ROR1: variants seen among roughly 807,000 people sequenced by gnomAD.
The protein encoded by ROR1 is ROR family WNT receptor 1, also known as inactive tyrosine-protein kinase transmembrane receptor ROR1.
Under a neutral mutation model 78.8 loss-of-function variants are expected in ROR1, and 19 were observed. That is an observed-to-expected ratio of 0.24 (90% CI 0.17 to 0.35). ROR1 has a LOEUF of 0.35. Ranked by LOEUF, ROR1 falls within the 10% of genes least tolerant of loss-of-function variation. The pLI is 1.00. For missense variants in ROR1, 917 were observed against 1,177.8 expected, an observed-to-expected ratio of 0.78 and a Z score of 3.24; for synonymous variants, 386 against 433.6, an observed-to-expected ratio of 0.89 and a Z score of 1.36.
intron 1 of ROR1, among the ~76,000 whole-genome samples, chr1:63,840,163 T>C (rs1216625945): frequency 6.6e-6 from 1 of 152,198 alleles, no homozygotes; most frequent in Non-Finnish European, 1.5e-5. Flanking sequence ...TGATGCACTG[T>C]GATTTTGTCT....
intron 1 of ROR1, among the ~76,000 whole-genome samples, chr1:63,965,606 T>G (rs1646068184): frequency 6.6e-6 from 1 of 152,194 alleles, no homozygotes; most frequent in Non-Finnish European, 1.5e-5. Flanking sequence ...ACCAGGGACT[T>G]GCGTAGTTGC....
At chr1:64,160,298 T>G (rs1281144614) in intron 8 of ROR1, among the ~76,000 whole-genome samples, 1 of 133,062 alleles carries the variant, frequency 7.5e-6, no homozygotes, top group Non-Finnish European at 1.7e-5. Flanking sequence ...TCTGCTTTAC[T>G]GTTTAAATTT....
intron 1 of ROR1, among the ~76,000 whole-genome samples, chr1:63,988,210 C>T (rs542012105): frequency 1.3e-5 from 2 of 152,180 alleles, no homozygotes; most frequent in East Asian, 3.9e-4. Flanking sequence ...ACCCAGCTGT[C>T]TCAGGGTCCA....
At chr1:64,134,204 AC>A in intron 4 of ROR1, among the ~76,000 whole-genome samples, 1 of 152,108 alleles carries the variant, frequency 6.6e-6, no homozygotes, top group East Asian at 1.9e-4. Flanking sequence ...TTACATCTTT[AC>A]CTTTTTTTAT....
intron 1 of ROR1, among the ~76,000 whole-genome samples, chr1:63,924,696 A>G (rs1025679031): frequency 6.6e-6 from 1 of 152,214 alleles, no homozygotes; most frequent in African/African-American, 2.4e-5. Context: ...AAAGTTTGAC[A>G]GTGAAGACTG....
intron 1 of ROR1, among the ~76,000 whole-genome samples, chr1:63,807,327 G>A (rs148552060): frequency 2.0e-5 from 3 of 152,172 alleles, no homozygotes; most frequent in Admixed American, 1.3e-4. Flanking sequence ...TGTCTCTCTG[G>A]GGGGAGCAGC....
intron 1 of ROR1, among the ~76,000 whole-genome samples, chr1:63,798,061 A>G (rs1644772359): frequency 6.6e-6 from 1 of 152,142 alleles, no homozygotes; most frequent in Non-Finnish European, 1.5e-5. Flanking sequence ...CTGAGAAGCT[A>G]TCTTTTTGGC....
intron 1 of ROR1, among the ~76,000 whole-genome samples, chr1:63,977,114 ACTCAC>A (rs998245502): frequency 1.6e-4 from 24 of 152,184 alleles, no homozygotes; most frequent in African/African-American, 5.5e-4. Context: ...ATGGGAACTC[ACTCAC>A]TATCACGAGA....
At chr1:63,864,148 C>T (rs534864322) in intron 1 of ROR1, among the ~76,000 whole-genome samples, 3 of 151,962 alleles carry the variant, frequency 2.0e-5, no homozygotes, top group South Asian at 2.1e-4. Flanking sequence ...ATAAGACAAC[C>T]GAGGTACAAG....
intron 1 of ROR1, among the ~76,000 whole-genome samples, chr1:63,877,878 T>C (rs531334746): frequency 6.6e-6 from 1 of 152,142 alleles, no homozygotes; most frequent in Non-Finnish European, 1.5e-5. Flanking sequence ...AGTAAGAACA[T>C]ATCAAACAAG....
rs17125816 is a variant in ROR1, at chr1:63,922,772, A to G, written c.92-86533A>G. On this transcript the variant is annotated intron_variant, in intron 1 of 8. Coordinates refer to ENST00000371079, the MANE Select transcript of ROR1 (RefSeq NM_005012.4). The stretch of plus-strand genomic sequence containing the variant: ...TGTTACCCATATTTTAGAGAAGAGG[A>G]AACTAGAGACTTAGAGGGTTAAGAG... Among the ~76,000 whole-genome samples the G allele has an allele frequency of 2.8e-3, 425 of 152,220 alleles. 2 individuals are homozygous for G. Among genetic ancestry groups the G allele is most frequent in the African/African-American group, 9.9e-3 (411 of 41,556 alleles).
intron 1 of ROR1, among the ~76,000 whole-genome samples, chr1:64,002,131 CT>C (rs34252630): frequency 0.016 from 1,741 of 105,884 alleles, 19 homozygotes; most frequent in African/African-American, 0.053. Flanking sequence ...CCAGTTCAAC[CT>C]TTTTTTTTTT....
intron 4 of ROR1, among the ~76,000 whole-genome samples, chr1:64,099,455 A>G (rs2100654748): frequency 6.6e-6 from 1 of 152,300 alleles, no homozygotes; most frequent in African/African-American, 2.4e-5. Context: ...GAGAAGGATA[A>G]CAAAAGTCAT....
intron 1 of ROR1, among the ~76,000 whole-genome samples, chr1:63,990,253 G>A (rs896338364): frequency 1.3e-5 from 2 of 152,172 alleles, no homozygotes; most frequent in African/African-American, 4.8e-5. Flanking sequence ...GACTTGCCCA[G>A]GAAGAGAAGG....
intron 4 of ROR1, among the ~76,000 whole-genome samples, chr1:64,063,628 GTC>G (rs61262636): frequency 0.16 from 23,423 of 150,320 alleles, 2,706 homozygotes; most frequent in African/African-American, 0.33. Context: ...CTCTTTCTCT[GTC>G]TCTCTCTCTC....
At chr1:64,108,742 G>T (rs959382726) in intron 4 of ROR1, among the ~76,000 whole-genome samples, 3 of 152,144 alleles carry the variant, frequency 2.0e-5, no homozygotes, top group African/African-American at 7.2e-5. Context: ...AAAAGTCAGA[G>T]AGATGAAGTC....
At chr1:63,934,873 A>G (rs1317089443) in intron 1 of ROR1, among the ~76,000 whole-genome samples, 1 of 152,176 alleles carries the variant, frequency 6.6e-6, no homozygotes, top group Non-Finnish European at 1.5e-5. Flanking sequence ...GATGATGTGA[A>G]GGGGAGTTAA....
At chr1:64,017,564 T>C (rs1403387600) in intron 2 of ROR1, among the ~76,000 whole-genome samples, 1 of 152,086 alleles carries the variant, frequency 6.6e-6, no homozygotes, top group Admixed American at 6.5e-5. Flanking sequence ...CATCCAGCCA[T>C]CAATGGAGCA....
intron 1 of ROR1, among the ~76,000 whole-genome samples, chr1:63,881,244 G>A (rs1421090077): frequency 6.6e-6 from 1 of 152,064 alleles, no homozygotes; most frequent in Non-Finnish European, 1.5e-5. Context: ...TTTTGTTCAG[G>A]CACTGTCTCT....
Sources: allele counts gnomAD v4.1 joint callset (sites outside exome capture counted in the v4.1 genomes callset), GRCh38; gene constraint gnomAD v4.1.1; transcripts MANE v1.5; gene names NCBI Gene and HGNC (gene_info 2026-07-23, HGNC 2026-07-21).